CDH13: variants seen among roughly 807,000 people sequenced by gnomAD.
The protein encoded by CDH13 is cadherin-13.
A neutral mutation model predicts 63.8 loss-of-function variants in CDH13; 24 were observed. That is an observed-to-expected ratio of 0.38 (90% CI 0.27 to 0.53). The LOEUF is 0.53. Among genes scored for constraint, CDH13 ranks in the 20% least tolerant of loss-of-function variants. The pLI is 0.85. For synonymous variants in CDH13, 503 were observed against 355.3 expected, an observed-to-expected ratio of 1.42 and a Z score of -4.67; for missense variants, 1,049 against 903.1, an observed-to-expected ratio of 1.16 and a Z score of -2.07.
At chr16:83,236,231 G>A (rs943926514) in intron 5 of CDH13, among the ~76,000 whole-genome samples, 10 of 43,246 alleles carry the variant, frequency 2.3e-4, no homozygotes, top group Non-Finnish European at 3.5e-4. Context: ...CAACACACAC[G>A]CACATGCACA....
intron 2 of CDH13, among the ~76,000 whole-genome samples, chr16:83,009,073 C>T (rs571859619): frequency 1.3e-5 from 2 of 152,292 alleles, no homozygotes; most frequent in Admixed American, 6.5e-5. Flanking sequence ...CCACCCCCAC[C>T]GGGTCCTTTC....
chr16:83,461,608 C>T (rs947046001), intron 6 of CDH13, among the ~76,000 whole-genome samples: 2 of 152,170 alleles, frequency 1.3e-5, no homozygotes, highest in African/African-American at 4.8e-5. Flanking sequence ...CAAGTGTCTG[C>T]CCAGAGAGCT....
intron 2 of CDH13, among the ~76,000 whole-genome samples, chr16:82,883,164 C>T (rs140594890): frequency 1.7e-4 from 26 of 152,290 alleles, no homozygotes; most frequent in African/African-American, 5.3e-4. Context: ...AATGAGAGGG[C>T]TTGAAGTGCA....
intron 2 of CDH13, among the ~76,000 whole-genome samples, chr16:82,888,274 C>T (rs1027738444): frequency 2.6e-5 from 4 of 152,168 alleles, no homozygotes; most frequent in Non-Finnish European, 5.9e-5. Flanking sequence ...ATATAAGCTT[C>T]ATGAAATCTG....
chr16:83,678,101 A>G, intron 9 of CDH13, 107 bp from the exon 10 acceptor site: 1 of 1,154,334 alleles, frequency 8.7e-7, no homozygotes, highest in Non-Finnish European at 1.2e-6. Context: ...GCCCAGCTCC[A>G]TCCCTGAAGG....
intron 5 of CDH13, among the ~76,000 whole-genome samples, chr16:83,330,986 G>T (rs1033074672): frequency 6.6e-6 from 1 of 152,178 alleles, no homozygotes; most frequent in African/African-American, 2.4e-5. Context: ...CTTAATGATT[G>T]CTATGTGGCA....
intron 5 of CDH13, among the ~76,000 whole-genome samples, chr16:83,260,634 C>T (rs989590951): frequency 2.0e-5 from 3 of 152,236 alleles, no homozygotes; most frequent in East Asian, 1.9e-4. Flanking sequence ...CCCCAAAGTG[C>T]GTTAGGCCAT....
chr16:83,537,313 A>T (rs1191291074), intron 7 of CDH13, among the ~76,000 whole-genome samples: 1 of 152,180 alleles, frequency 6.6e-6, no homozygotes, highest in Admixed American at 6.5e-5. Flanking sequence ...TATGCACAAA[A>T]ATTTGTCCTG....
intron 6 of CDH13, among the ~76,000 whole-genome samples, chr16:83,373,528 C>T (rs1455632125): frequency 6.6e-6 from 1 of 152,036 alleles, no homozygotes; most frequent in Admixed American, 6.5e-5. Context: ...GGGGGTGTGA[C>T]TTGGGCATAG....
intron 2 of CDH13, among the ~76,000 whole-genome samples, chr16:82,929,924 A>G (rs1435451604): frequency 2.0e-5 from 3 of 151,966 alleles, no homozygotes; most frequent in Admixed American, 1.3e-4. Flanking sequence ...CATACACATA[A>G]CAACACTCAG....
chr16:83,004,757 G>T (rs13333285), intron 2 of CDH13, among the ~76,000 whole-genome samples: 64,575 of 151,934 alleles, frequency 0.43, 14,005 homozygotes, highest in Non-Finnish European at 0.46. Context: ...CCTCCCAAAG[G>T]GCTGGGATTA....
chr16:83,279,488 C>T (rs747336687), intron 5 of CDH13, among the ~76,000 whole-genome samples: 6 of 152,160 alleles, frequency 3.9e-5, no homozygotes, highest in Non-Finnish European at 5.9e-5. Context: ...ATCATTCAAA[C>T]GCTGCACATA....
chr16:83,003,408 A>AAT (rs1357780501), intron 2 of CDH13, among the ~76,000 whole-genome samples: 1 of 151,364 alleles, frequency 6.6e-6, no homozygotes, highest in East Asian at 1.9e-4. Flanking sequence ...TTAATTTTCT[A>AAT]TCTCAAAAAT....
intron 3 of CDH13, among the ~76,000 whole-genome samples, chr16:83,052,242 A>C (rs563730266): frequency 6.6e-6 from 1 of 152,204 alleles, no homozygotes; most frequent in Non-Finnish European, 1.5e-5. Context: ...TTTCTGTTAT[A>C]AAACTTCAAG....
intron 2 of CDH13, among the ~76,000 whole-genome samples, chr16:82,972,177 C>T (rs577207285): frequency 5.0e-4 from 76 of 152,178 alleles, no homozygotes; most frequent in Non-Finnish European, 5.4e-4. Context: ...GGGTTAAAAC[C>T]ATGTGGGAAA....
chr16:83,631,006 C>A (rs1049359781), intron 8 of CDH13, among the ~76,000 whole-genome samples: 5 of 152,058 alleles, frequency 3.3e-5, no homozygotes, highest in Admixed American at 3.3e-4. Context: ...AGTAAGGGGG[C>A]CATTGTGATG....
intron 1 of CDH13, among the ~76,000 whole-genome samples, chr16:82,853,445 A>G (rs993500084): frequency 1.3e-5 from 2 of 152,358 alleles, no homozygotes; most frequent in South Asian, 4.1e-4. Flanking sequence ...AGCAAGTACT[A>G]TGTACCAGGA....
At chr16:83,522,556 A>G (rs970130657) in intron 7 of CDH13, among the ~76,000 whole-genome samples, 5 of 152,224 alleles carry the variant, frequency 3.3e-5, no homozygotes, top group Non-Finnish European at 5.9e-5. Context: ...GAAAACAAAA[A>G]TGGTCTGTGG....
At chr16:82,896,038 C>G (rs1283214607) in intron 2 of CDH13, among the ~76,000 whole-genome samples, 1 of 152,264 alleles carries the variant, frequency 6.6e-6, no homozygotes, top group Admixed American at 6.5e-5. Context: ...TTTAAGAGCT[C>G]TTCACTGCCT....
Sources: allele counts gnomAD v4.1 joint callset (sites outside exome capture counted in the v4.1 genomes callset), GRCh38; gene constraint gnomAD v4.1.1; transcripts MANE v1.5; gene names NCBI Gene and HGNC (gene_info 2026-07-23, HGNC 2026-07-21).